Variants in ARHGDIB observed in about 807,000 individuals in gnomAD.
ARHGDIB encodes the protein rho GDP-dissociation inhibitor 2.
A neutral mutation model predicts 22.6 loss-of-function variants in ARHGDIB; 20 were observed. The ratio of observed to expected loss-of-function variants is 0.88; its 90% confidence interval spans 0.62 to 1.28. The LOEUF is 1.28. Ranked by LOEUF, ARHGDIB falls within the 50% of genes most tolerant of loss-of-function variation. ARHGDIB has a pLI of 0.00. For missense variants in ARHGDIB, 254 were observed against 245.4 expected (o/e 1.04, Z -0.23); for synonymous variants, 114 against 96.1 (o/e 1.19, Z -1.09).
chr12:14,956,310 C>T (rs1026192649), intron 1 of ARHGDIB: 1 of 152,172 alleles, frequency 6.6e-6, no homozygotes, highest in Non-Finnish European at 1.5e-5. Flanking sequence ...GTTGCTTAAC[C>T]TCACTGGGCC....
At chr12:14,957,382 G>T (rs941634325) in intron 1 of ARHGDIB, among the ~76,000 whole-genome samples, 2 of 152,174 alleles carry the variant, frequency 1.3e-5, no homozygotes, top group African/African-American at 4.8e-5. Flanking sequence ...ACTGAAGCTA[G>T]GTAACTGTTT....
At chr12:14,960,284 T>C (rs771281405) in intron 1 of ARHGDIB, among the ~76,000 whole-genome samples, 2 of 152,188 alleles carry the variant, frequency 1.3e-5, no homozygotes, top group Admixed American at 6.5e-5. Context: ...ACATGCTGGC[T>C]GGGAAGTCCT....
chr12:14,953,445 T>A (rs573573069), intron 1 of ARHGDIB, among the ~76,000 whole-genome samples: 1 of 152,314 alleles, frequency 6.6e-6, no homozygotes, highest in East Asian at 1.9e-4. Context: ...GAGCACCCAC[T>A]GTTTACAAGA....
intron 1 of ARHGDIB, among the ~76,000 whole-genome samples, chr12:14,952,442 C>T (rs1864199562): frequency 6.6e-6 from 1 of 152,116 alleles, no homozygotes; most frequent in African/African-American, 2.4e-5. Context: ...ACATGTAGGC[C>T]TGTTCCTATG....
At chr12:14,957,399 C>G (rs1479624605) in intron 1 of ARHGDIB, among the ~76,000 whole-genome samples, 4 of 152,162 alleles carry the variant, frequency 2.6e-5, no homozygotes, top group Admixed American at 6.6e-5. Flanking sequence ...GTTTCCACAC[C>G]AAATACTTTC....
intron 1 of ARHGDIB, among the ~76,000 whole-genome samples, chr12:14,959,156 C>T (rs952636166): frequency 6.6e-6 from 1 of 152,180 alleles, no homozygotes; most frequent in Non-Finnish European, 1.5e-5. Context: ...TGGTGGCTCA[C>T]GCCTTTAATC....
At chr12:14,950,087 T>C (rs932947333) in intron 2 of ARHGDIB, among the ~76,000 whole-genome samples, 33 of 152,228 alleles carry the variant, frequency 2.2e-4, no homozygotes, top group Non-Finnish European at 3.5e-4. Flanking sequence ...CTTTAGGCAC[T>C]TGTAGGTCCA....
intron 1 of ARHGDIB, among the ~76,000 whole-genome samples, chr12:14,957,406 T>C (rs1020826377): frequency 3.9e-5 from 6 of 152,200 alleles, no homozygotes; most frequent in African/African-American, 1.4e-4. Flanking sequence ...CACCAAATAC[T>C]TTCCCCTGGA....
chr12:14,947,737 G>T, intron 4 of ARHGDIB, 136 bp downstream of exon 4: 1 of 726,128 alleles, frequency 1.4e-6, no homozygotes, highest in Non-Finnish European at 2.3e-6. Flanking sequence ...CTGGGAAGAG[G>T]ACATTCCAGA....
chr12:14,948,196 A>G (rs1044978097), intron 3 of ARHGDIB, among the ~76,000 whole-genome samples: 4 of 151,840 alleles, frequency 2.6e-5, no homozygotes, highest in Non-Finnish European at 4.4e-5. Context: ...CCTGCCCCCA[A>G]GTTTGATGAC....
In ARHGDIB at chr12:14,947,719, C is replaced by T. The variant is rs1042119593; in HGVS notation, c.342+154G>A. On this transcript the variant is annotated intron_variant, in intron 4 of 5. Transcript: ENST00000228945. ...GCAAACGTGGGTCTCAACAGGTAGC[C>T]CTCAGGGCTGGGAAGAGGACATTCC... 2.8e-5 allele frequency: 18 copies of T among 637,188 alleles called. No homozygotes were observed. In the East Asian group the frequency reaches 3.8e-4, roughly 14 times the overall value. 39.5% of individuals were successfully genotyped at this position (637,188 alleles called of 1,614,324 possible).
At chr12:14,959,365 C>A (rs1421091236) in intron 1 of ARHGDIB, among the ~76,000 whole-genome samples, 2 of 152,140 alleles carry the variant, frequency 1.3e-5, no homozygotes, top group Non-Finnish European at 2.9e-5. Context: ...GGACCACAGG[C>A]ACGCACCACC....
In ARHGDIB at chr12:14,949,217, C is replaced by T. The variant is rs186624262; in HGVS notation, c.265+585G>A. ...AATAACCCCCTTCCCAGTCTCTCTC[C>T]TCCTCAAGCCCTAAGTCTCAGGGAA... On this transcript the variant is annotated intron_variant, in intron 3 of 5. Transcript: ENST00000228945. Among the ~76,000 whole-genome samples, 53 of 152,284 alleles carry T rather than the reference C, an allele frequency of 3.5e-4. 1 individual carries two copies. The highest frequency in any genetic ancestry group is 9.2e-4 in the Admixed American group (14 of 15,298).
chr12:14,949,794 C>T lies in ARHGDIB; in HGVS notation c.265+8G>A. On this transcript the variant is annotated splice_region_variant and intron_variant, in intron 3 of 5. Coordinates refer to ENST00000228945, the MANE Select transcript of ARHGDIB (RefSeq NM_001175.7). The stretch of plus-strand genomic sequence containing the variant: ...CCCCCTTTGAACAGTACAGATGTGT[C>T]TACATACCAGTAAGGTCCATGGTGA... 1.2e-6 allele frequency: 2 copies of T among 1,613,064 alleles called. No homozygotes were observed. Among genetic ancestry groups the T allele is most frequent in the Non-Finnish European group, 1.7e-6 (2 of 1,179,294 alleles).
intron 1 of ARHGDIB, among the ~76,000 whole-genome samples, chr12:14,954,272 C>T (rs915141061): frequency 6.6e-6 from 1 of 152,176 alleles, no homozygotes; most frequent in African/African-American, 2.4e-5. Context: ...TGGGCAGAAG[C>T]TTGCTTTTTC....
At chr12:14,948,118 ACACACACAC>A (rs2120704235) in intron 3 of ARHGDIB, among the ~76,000 whole-genome samples, 169 bp from the exon 4 acceptor site, 1 of 152,030 alleles carries the variant, frequency 6.6e-6, no homozygotes, top group Admixed American at 6.6e-5. Flanking sequence ...ACACACACAC[ACACACACAC>A]ACACACACAC....
intron 1 of ARHGDIB, among the ~76,000 whole-genome samples, chr12:14,952,820 G>C (rs58944464): frequency 6.6e-6 from 1 of 152,178 alleles, no homozygotes; most frequent in Non-Finnish European, 1.5e-5. Context: ...TTTCTGAACT[G>C]TATCACTTGG....
At chr12:14,945,425 CGTT>C (rs1227226433) in intron 4 of ARHGDIB, among the ~76,000 whole-genome samples, 3 of 152,164 alleles carry the variant, frequency 2.0e-5, no homozygotes, top group Non-Finnish European at 2.9e-5. Flanking sequence ...CATTTTCAGA[CGTT>C]GTCTGAGATC....
chr12:14,943,653 C>T lies in ARHGDIB; in HGVS notation c.407-932G>A, dbSNP rs140077096. Among the ~76,000 whole-genome samples the T allele has an allele frequency of 1.5e-3, 221 of 151,338 alleles. 1 individual carries two copies. Among genetic ancestry groups the T allele is most frequent in the Non-Finnish European group, 2.4e-3 (163 of 67,854 alleles). ...TGGATAGAATAACTGGATGGAACAA[C>T]AACAGCAGTAAGTTGGTAAAAAAAA... On this transcript the variant is annotated intron_variant, in intron 5 of 5. Transcript: ENST00000228945.
Sources: gnomAD v4.1 joint callset for allele counts (sites outside exome capture counted in the v4.1 genomes callset) on GRCh38, gnomAD v4.1.1 for gene constraint, MANE v1.5 for transcripts, NCBI Gene and HGNC (gene_info 2026-07-23, HGNC 2026-07-21) for gene names.